The following TGM2 variants were observed in gnomAD, a reference collection of about 807,000 sequenced individuals.
TGM2 encodes the protein transglutaminase 2, also known as protein-glutamine gamma-glutamyltransferase 2.
In TGM2, 53 loss-of-function variants were observed where a neutral mutation model predicts 75.6. The observed-to-expected ratio is 0.70, with a 90% confidence interval of 0.56 to 0.88. TGM2 has a LOEUF of 0.88. Ranked by LOEUF, TGM2 falls within the 40% of genes least tolerant of loss-of-function variation. The pLI is 0.00. For synonymous variants in TGM2, 374 were observed against 381.1 expected (o/e 0.98, Z 0.22); for missense variants, 842 against 928.5 (o/e 0.91, Z 1.21).
Position 38,138,209 on chromosome 20 carries a change from G to A in TGM2, c.1519C>T (p.Leu507Phe), listed in dbSNP as rs1432115628. ...CTGACGGTGCGGGCACAGAGCAGGAGGCGGCAGACGTACTCCTCAGCGGTG... is the reference window on the plus strand; with the variant it reads ...CTGACGGTGCGGGCACAGAGCAGGAAGCGGCAGACGTACTCCTCAGCGGTG... ...NNTAEEYVCR[L>F]LLCARTVSYN... The change falls in exon 10 of 13, where the codon CTC becomes TTC. Residue 507 changes from leucine (L) to phenylalanine (F), a missense_variant. Leu to Phe is a conservative substitution (Grantham distance 22, BLOSUM62 0). Coordinates refer to ENST00000361475, the MANE Select transcript of TGM2 (RefSeq NM_004613.4). 6.2e-7 allele frequency: 1 copy of A among 1,610,266 alleles called. No homozygotes were observed. The highest frequency in any genetic ancestry group is 1.3e-5 in the African/African-American group (1 of 74,886).
At chr20:38,130,449 T>A (rs1600474158) in intron 12 of TGM2, 80 bp from the exon 13 acceptor site, 1 of 1,473,498 alleles carries the variant, frequency 6.8e-7, no homozygotes, top group East Asian at 2.5e-5. Flanking sequence ...GGAAGTCACG[T>A]GACCTCCGAG....
rs117876753 is a variant in TGM2 at position 38,143,927 on chromosome 20, C to G, written c.860-1728G>C. 2.0e-4 allele frequency among the ~76,000 whole-genome samples: 31 copies of G among 152,208 alleles called. No individual in the cohort carries two copies. The East Asian group carries it at 5.6e-3, about 27-fold the overall frequency. ...CCTGCCAGGAGATTTGTAGGAGCTT[C>G]GAGGAAGGAGGAAGGAACAGCTATG... is the stretch of plus-strand genomic sequence containing the variant. On this transcript the variant is annotated intron_variant, in intron 6 of 12. Coordinates refer to ENST00000361475, the MANE Select transcript of TGM2 (RefSeq NM_004613.4).
intron 6 of TGM2, among the ~76,000 whole-genome samples, chr20:38,144,370 C>G (rs975976053): frequency 3.3e-5 from 5 of 152,308 alleles, no homozygotes; most frequent in South Asian, 2.1e-4. Flanking sequence ...ACAGCCTTGT[C>G]TGCCCATTCC....
intron 2 of TGM2, 46 bp from the exon 3 acceptor site, chr20:38,156,135 G>A (rs1247843458): frequency 6.3e-7 from 1 of 1,591,328 alleles, no homozygotes; most frequent in African/African-American, 1.3e-5. Context: ...TAGCAGGGCT[G>A]GCAGGGCAGG....
intron 4 of TGM2, among the ~76,000 whole-genome samples, chr20:38,149,275 A>G (rs972196579): frequency 2.0e-5 from 3 of 152,088 alleles, no homozygotes; most frequent in Non-Finnish European, 4.4e-5. Context: ...TGATCCCCAT[A>G]GGCTGTTATT....
intron 3 of TGM2, among the ~76,000 whole-genome samples, chr20:38,154,874 G>A (rs922735866): frequency 6.6e-6 from 1 of 152,186 alleles, no homozygotes; most frequent in African/African-American, 2.4e-5. Flanking sequence ...GGCAGGCCGA[G>A]GCGGGTGGAT....
chr20:38,164,206 G>A (rs1222267890), intron 1 of TGM2, among the ~76,000 whole-genome samples: 1 of 152,170 alleles, frequency 6.6e-6, no homozygotes, highest in Non-Finnish European at 1.5e-5. Flanking sequence ...GGAGGCAGGT[G>A]GCTGAGATCA....
intron 10 of TGM2, among the ~76,000 whole-genome samples, chr20:38,135,026 G>T (rs906707916): frequency 6.6e-6 from 1 of 152,178 alleles, no homozygotes; most frequent in Non-Finnish European, 1.5e-5. Flanking sequence ...GTCTCCAGTG[G>T]ATCCCCAACA....
intron 10 of TGM2, among the ~76,000 whole-genome samples, chr20:38,134,129 G>C (rs1463878377): frequency 6.6e-6 from 1 of 152,152 alleles, no homozygotes; most frequent in Non-Finnish European, 1.5e-5. Context: ...TGAGACCCGA[G>C]GAGACAGTCA....
At chr20:38,152,825 C>T (rs2075129415) in intron 3 of TGM2, among the ~76,000 whole-genome samples, 1 of 152,248 alleles carries the variant, frequency 6.6e-6, no homozygotes, top group African/African-American at 2.4e-5. Context: ...CACTGTGCCG[C>T]TTGGCTGACC....
chr20:38,143,838 C>A (rs897543120), intron 6 of TGM2, among the ~76,000 whole-genome samples: 1 of 152,162 alleles, frequency 6.6e-6, no homozygotes, highest in Admixed American at 6.5e-5. Flanking sequence ...AGAAGGGATG[C>A]GACCTTTGCC....
chr20:38,148,168 C>T (rs572677459), intron 4 of TGM2, 79 bp from the exon 5 acceptor site: 2 of 1,588,068 alleles, frequency 1.3e-6, no homozygotes, highest in East Asian at 2.2e-5. Context: ...AAGCCTCCAG[C>T]AGCTGTTTCC....
intron 3 of TGM2, among the ~76,000 whole-genome samples, chr20:38,153,870 G>A (rs572536246): frequency 2.0e-5 from 3 of 152,294 alleles, no homozygotes; most frequent in African/African-American, 7.2e-5. Context: ...AGGCTGGAGT[G>A]CAGTGGCACA....
In TGM2 at chr20:38,131,261, C is replaced by T. The variant is rs866060318; in HGVS notation, c.1777-32G>A. On this transcript the variant is annotated intron_variant, in intron 11 of 12. Transcript: ENST00000361475. ...GAGGGCATGGGGCAGATGTCAAGGG[C>T]AGGTGGGATCCAGGCTGGGCTGTCT... 1.9e-6 allele frequency: 3 copies of T among 1,612,652 alleles called. No homozygotes were observed. In the African/African-American group the frequency reaches 4.0e-5, roughly 22 times the overall value.
At chr20:38,166,743 TCTCC>T (rs780382800), upstream of TGM2, among the ~76,000 whole-genome samples, 2 of 152,200 alleles carry the variant, frequency 1.3e-5, no homozygotes, top group Non-Finnish European at 2.9e-5. Flanking sequence ...AGTGGATATT[TCTCC>T]CTGGGTCAAA....
rs758996038 is a variant in TGM2, at chr20:38,155,909, C to T, written c.371G>A (p.Gly124Asp). 12 of 1,608,170 alleles carry T rather than the reference C, an allele frequency of 7.5e-6. No individual in the cohort carries two copies. The highest frequency in any genetic ancestry group is 1.0e-5 in the Non-Finnish European group (12 of 1,177,786). ...LYRLSLEAST[G>D]YQGSSFVLGH... ...CAGCACAAAGCTGGATCCCTGGTAGCCAGTGGAGGCCTCCAGGCTGAGGCG... is the reference window on the plus strand; with the variant it reads ...CAGCACAAAGCTGGATCCCTGGTAGTCAGTGGAGGCCTCCAGGCTGAGGCG... Residue 124 changes from glycine to aspartate, a missense_variant, in exon 3 of 13, where the codon GGC becomes GAC. By Grantham distance (94) the Gly-to-Asp change is moderately conservative (BLOSUM62 -1). Transcript: ENST00000361475.
intron 1 of TGM2, 96 bp downstream of exon 1, chr20:38,165,093 C>A: frequency 6.3e-7 from 1 of 1,592,826 alleles, no homozygotes; most frequent in Non-Finnish European, 8.6e-7. Flanking sequence ...GCCTGTTGCT[C>A]TCCAAATCAG....
chr20:38,151,303 G>T (rs534053748), intron 3 of TGM2, among the ~76,000 whole-genome samples: 1 of 152,212 alleles, frequency 6.6e-6, no homozygotes, highest in Non-Finnish European at 1.5e-5. Context: ...TGTGATAAAT[G>T]TATGACCTGT....
chr20:38,132,710 A>G (rs1039308342), intron 10 of TGM2: 1 of 704,726 alleles, frequency 1.4e-6, no homozygotes, highest in Non-Finnish European at 2.5e-6. Flanking sequence ...TAGAGGACGC[A>G]CTTGGACTCC....
Sources: allele counts gnomAD v4.1 joint callset (sites outside exome capture counted in the v4.1 genomes callset), GRCh38; gene constraint gnomAD v4.1.1; transcripts MANE v1.5; gene names NCBI Gene and HGNC (gene_info 2026-07-23, HGNC 2026-07-21).